The following ENTHD1 variants were observed in gnomAD, a reference collection of about 807,000 sequenced individuals.
The protein encoded by ENTHD1 is ENTH domain containing 1.
Under a neutral mutation model 39.1 loss-of-function variants are expected in ENTHD1, and 23 were observed. The ratio of observed to expected loss-of-function variants is 0.59; its 90% CI spans 0.42 to 0.83. The LOEUF is 0.83. ENTHD1 is among the 40% of genes least tolerant of loss of function. The pLI is 0.00. For synonymous variants in ENTHD1, 230 were observed against 258.2 expected (o/e 0.89, Z 1.05); for missense variants, 624 against 705.4 (o/e 0.88, Z 1.31).
At chr22:39,786,905 C>T (rs1259266894) in intron 5 of ENTHD1, among the ~76,000 whole-genome samples, 4 of 152,184 alleles carry the variant, frequency 2.6e-5, no homozygotes, top group South Asian at 2.1e-4. Flanking sequence ...CCATTACACA[C>T]GTGCATGTGC....
At chr22:39,856,864 AAAAAGAAAG>A (rs1414327569) in intron 3 of ENTHD1, among the ~76,000 whole-genome samples, 1 of 149,474 alleles carries the variant, frequency 6.7e-6, no homozygotes, top group South Asian at 2.1e-4. Context: ...AAAAAAAAAA[AAAAAGAAAG>A]AAAGAAAAGG....
intron 5 of ENTHD1, among the ~76,000 whole-genome samples, chr22:39,766,515 C>G (rs964586477): frequency 6.6e-6 from 1 of 152,032 alleles, no homozygotes; most frequent in Non-Finnish European, 1.5e-5. Flanking sequence ...AAAGAAAGAC[C>G]GTTATTTTTA....
chr22:39,847,198 G>A (rs976680851), intron 3 of ENTHD1, among the ~76,000 whole-genome samples: 1 of 152,000 alleles, frequency 6.6e-6, no homozygotes, highest in Non-Finnish European at 1.5e-5. Flanking sequence ...CCATAAAAAT[G>A]ATGAGTTCAT....
At chr22:39,849,191 C>A (rs371338785) in intron 3 of ENTHD1, among the ~76,000 whole-genome samples, 20 of 152,246 alleles carry the variant, frequency 1.3e-4, no homozygotes, top group African/African-American at 3.4e-4. Context: ...TTTGATTCTT[C>A]CAGGTAAATT....
chr22:39,850,175 T>TTATC (rs2066023746), intron 3 of ENTHD1, among the ~76,000 whole-genome samples: 1 of 152,194 alleles, frequency 6.6e-6, no homozygotes, highest in Admixed American at 6.5e-5. Context: ...TGTTTTGAAA[T>TTATC]TATCTACTAT....
intron 5 of ENTHD1, among the ~76,000 whole-genome samples, chr22:39,798,045 CCTT>C (rs1290143688): frequency 6.6e-6 from 1 of 152,192 alleles, no homozygotes; most frequent in Middle Eastern, 3.4e-3. Flanking sequence ...GGTCTCTTCA[CCTT>C]CTTGAACATC....
At chr22:39,838,589 C>T (rs1694292231) in intron 3 of ENTHD1, among the ~76,000 whole-genome samples, 2 of 152,028 alleles carry the variant, frequency 1.3e-5, no homozygotes, top group Non-Finnish European at 2.9e-5. Context: ...CAGTCACACT[C>T]CTATGTGGGC....
rs548251720 is a variant in ENTHD1 at position 39,867,655 on chromosome 22, G to A, written c.350-5648C>T. On this transcript the variant is annotated intron_variant, in intron 2 of 6. Coordinates refer to ENST00000325157, the MANE Select transcript of ENTHD1 (RefSeq NM_152512.4). The surrounding 1 kb of genome is among the most constrained non-coding windows in gnomAD (Gnocchi z 4.5). ...CCTCCACAATGCCTTCAGGTAACGC[G>A]GTGGGGGTAGAAAGGGAGGGGAGAA... 2.6e-5 allele frequency among the ~76,000 whole-genome samples: 4 copies of A among 152,108 alleles called. No homozygotes were observed. Among genetic ancestry groups the A allele is most frequent in the East Asian group, 3.9e-4 (2 of 5,164 alleles).
chr22:39,888,096 A>C (rs1012824824), intron 1 of ENTHD1, among the ~76,000 whole-genome samples, 193 bp from the exon 2 acceptor site: 1 of 152,048 alleles, frequency 6.6e-6, no homozygotes, highest in Non-Finnish European at 1.5e-5. Context: ...TATATTATTT[A>C]AAGAAATATA....
At chr22:39,782,568 T>C (rs959495104) in intron 5 of ENTHD1, among the ~76,000 whole-genome samples, 2 of 152,006 alleles carry the variant, frequency 1.3e-5, no homozygotes, top group South Asian at 2.1e-4. Context: ...CTTAACAAAA[T>C]ACTAATAAAC....
chr22:39,875,586 G>A, intron 2 of ENTHD1: 1 of 1,611,816 alleles, frequency 6.2e-7, no homozygotes, highest in Non-Finnish European at 8.5e-7. Context: ...GTTTTAGATA[G>A]TACGAAGTCT....
intron 5 of ENTHD1, among the ~76,000 whole-genome samples, chr22:39,803,624 CT>C (rs963506421): frequency 6.6e-6 from 1 of 152,088 alleles, no homozygotes; most frequent in Non-Finnish European, 1.5e-5. Context: ...CAGAATTTTA[CT>C]ATTTTACAAT....
chr22:39,889,640 G>A (rs144058126), intron 1 of ENTHD1, among the ~76,000 whole-genome samples: 27 of 152,266 alleles, frequency 1.8e-4, no homozygotes, highest in African/African-American at 6.0e-4. Flanking sequence ...ACCTTCTCAG[G>A]TAACTAGCTC....
At chr22:39,797,806 G>A (rs1350306196) in intron 5 of ENTHD1, among the ~76,000 whole-genome samples, 2 of 152,138 alleles carry the variant, frequency 1.3e-5, no homozygotes, top group Non-Finnish European at 2.9e-5. Flanking sequence ...TAAATCAGCT[G>A]TTGGTCTGAC....
intron 6 of ENTHD1, among the ~76,000 whole-genome samples, chr22:39,756,334 A>G (rs1427751829): frequency 6.6e-6 from 1 of 151,584 alleles, no homozygotes. Flanking sequence ...ACACACACAC[A>G]CACACGCACA....
intron 2 of ENTHD1, among the ~76,000 whole-genome samples, chr22:39,879,280 G>A (rs2066315408): frequency 1.3e-5 from 2 of 151,372 alleles, no homozygotes; most frequent in African/African-American, 4.9e-5. Context: ...GGCTAACATG[G>A]TGAAACCCCA....
At chr22:39,875,344 G>A (rs1272560544) in intron 2 of ENTHD1, 40 of 1,347,336 alleles carry the variant, frequency 3.0e-5, no homozygotes, top group Non-Finnish European at 3.6e-5. Context: ...TGTCGGCCAC[G>A]TCCCGCGGGG....
At chr22:39,799,362 G>A (rs1016810741) in intron 5 of ENTHD1, among the ~76,000 whole-genome samples, 1 of 152,172 alleles carries the variant, frequency 6.6e-6, no homozygotes, top group Admixed American at 6.5e-5. Context: ...CCATTCCCCT[G>A]GGCTGCAGGA....
intron 5 of ENTHD1, among the ~76,000 whole-genome samples, chr22:39,806,063 A>G (rs939897777): frequency 1.3e-5 from 2 of 152,134 alleles, no homozygotes; most frequent in Non-Finnish European, 2.9e-5. Flanking sequence ...TACTAATTTC[A>G]GTGAATACCC....
Sources: allele counts gnomAD v4.1 joint callset (sites outside exome capture counted in the v4.1 genomes callset), GRCh38; gene constraint gnomAD v4.1.1; non-coding constraint Gnocchi (gnomAD v3.1); transcripts MANE v1.5; gene names NCBI Gene and HGNC (gene_info 2026-07-23, HGNC 2026-07-21).